Variants in ELMO1 observed in about 807,000 individuals in gnomAD.
ELMO1 encodes the protein engulfment and cell motility 1, also known as engulfment and cell motility protein 1.
A neutral mutation model predicts 98.9 loss-of-function variants in ELMO1; 26 were observed. The observed-to-expected ratio is 0.26, with a 90% CI of 0.19 to 0.36. The LOEUF is 0.36. Ranked by LOEUF, ELMO1 falls within the 10% of genes least tolerant of loss-of-function variation. The probability of loss-of-function intolerance (pLI) is 1.00; values close to 1 mark genes in which losing one functional copy is unlikely to be tolerated. For synonymous variants in ELMO1, 346 were observed against 346.0 expected (o/e 1.00, Z 0.00); for missense variants, 627 against 935.2 (o/e 0.67, Z 4.30).
Position 37,045,169 on chromosome 7 carries a change from G to A in ELMO1, c.1301-31734C>T, listed in dbSNP as rs144918117. The stretch of plus-strand genomic sequence containing the variant: ...ATGACCAAATGCAATGTGGTATTGT[G>A]GGTGGAATCCTGGAATACAAAAAGG... On this transcript the variant is annotated intron_variant, in intron 15 of 21. Transcript: ENST00000310758. Among the ~76,000 whole-genome samples the A allele has an allele frequency of 3.9e-5, 6 of 152,274 alleles. No individual in the cohort carries two copies. In the East Asian group the frequency reaches 1.2e-3, roughly 29 times the overall value.
intron 16 of ELMO1, among the ~76,000 whole-genome samples, chr7:36,967,443 C>T (rs369283302): frequency 2.0e-5 from 3 of 152,152 alleles, no homozygotes; most frequent in Non-Finnish European, 4.4e-5. Flanking sequence ...GCTAACCCAG[C>T]GTGGCATCAG....
intron 13 of ELMO1, among the ~76,000 whole-genome samples, chr7:37,134,025 G>A (rs548882916): frequency 1.1e-4 from 17 of 152,204 alleles, no homozygotes; most frequent in South Asian, 2.1e-4. Context: ...AATGCTCAAC[G>A]TCAGTAATCA....
intron 16 of ELMO1, among the ~76,000 whole-genome samples, chr7:36,922,952 G>A (rs904983234): frequency 4.6e-5 from 7 of 152,178 alleles, no homozygotes; most frequent in Non-Finnish European, 5.9e-5. Context: ...AAGTGGTCAT[G>A]GAGGATGGGC....
At chr7:36,918,263 A>G (rs1358774498) in intron 16 of ELMO1, among the ~76,000 whole-genome samples, 2 of 152,206 alleles carry the variant, frequency 1.3e-5, no homozygotes, top group East Asian at 3.8e-4. Flanking sequence ...GAGTTCTTGT[A>G]CAGATTAAAC....
At chr7:37,302,634 A>T (rs565557507) in intron 4 of ELMO1, among the ~76,000 whole-genome samples, 1 of 152,202 alleles carries the variant, frequency 6.6e-6, no homozygotes, top group South Asian at 2.1e-4. Flanking sequence ...CCAGCTATTC[A>T]TGTCTTCCCA....
intron 16 of ELMO1, among the ~76,000 whole-genome samples, chr7:36,991,559 T>C (rs1311548832): frequency 6.6e-6 from 1 of 152,232 alleles, no homozygotes; most frequent in Non-Finnish European, 1.5e-5. Flanking sequence ...GAACTGAACA[T>C]AGTCAGAAGA....
At chr7:37,121,271 C>T (rs892141323) in intron 14 of ELMO1, among the ~76,000 whole-genome samples, 17 of 152,290 alleles carry the variant, frequency 1.1e-4, no homozygotes, top group Middle Eastern at 3.4e-3. Context: ...CAAAGCTGGA[C>T]GGAGAATGAC....
At chr7:37,423,543 G>A (rs1804572208) in intron 1 of ELMO1, among the ~76,000 whole-genome samples, 1 of 152,176 alleles carries the variant, frequency 6.6e-6, no homozygotes, top group Admixed American at 6.5e-5. Flanking sequence ...TCTTGCCACT[G>A]CACTCCAGCC....
chr7:36,897,563 G>A (rs972789539), intron 16 of ELMO1, among the ~76,000 whole-genome samples: 1 of 152,128 alleles, frequency 6.6e-6, no homozygotes, highest in Non-Finnish European at 1.5e-5. Flanking sequence ...CCAGGGAAAG[G>A]GAGGAGTAGG....
intron 16 of ELMO1, among the ~76,000 whole-genome samples, chr7:36,997,132 G>T (rs1455311135): frequency 6.6e-6 from 1 of 151,996 alleles, no homozygotes; most frequent in African/African-American, 2.4e-5. Context: ...TGATGGTGGC[G>T]GGAAGGCAGG....
Position 37,286,205 on chromosome 7 carries a change from C to T in ELMO1, c.193-14323G>A, listed in dbSNP as rs531150975. On this transcript the variant is annotated intron_variant, in intron 4 of 21. Coordinates refer to ENST00000310758, the MANE Select transcript of ELMO1 (RefSeq NM_014800.11). ...GGATGAGATAAAAACATTTACAGCTCACAGCCAAGGAACAATGCGGCTGGA... is the reference window on the plus strand; with the variant it reads ...GGATGAGATAAAAACATTTACAGCTTACAGCCAAGGAACAATGCGGCTGGA... Among the ~76,000 whole-genome samples the T allele has an allele frequency of 9.2e-5, 14 of 152,252 alleles. No homozygotes were observed. In the South Asian group the frequency reaches 2.7e-3, roughly 29 times the overall value.
Position 36,855,721 on chromosome 7 carries a change from G to T in ELMO1, c.2014C>A (p.Leu672Ile), listed in dbSNP as rs770393657. ...TCGCTCATCATGTCCTTCCCGAGTA[G>T]CGCATTCAGTCCATCCGTCCAGATA... ...YCIWTDGLNA[L>I]LGKDMMSDLT... Residue 672 changes from leucine (L) to isoleucine (I), a missense_variant, in exon 22 of 22, where the codon CTA (leucine) becomes ATA (isoleucine). By Grantham distance (5) the Leu-to-Ile change is conservative. Around this residue, in one of 3 missense-constraint regions of ELMO1, gnomAD observed 492 missense variants for 715.6 expected, o/e 0.69. Coordinates refer to ENST00000310758, the MANE Select transcript of ELMO1 (RefSeq NM_014800.11). The surrounding 1 kb of genome is among the most constrained non-coding windows in gnomAD (Gnocchi z 4.2). 1 of 1,614,098 alleles carries T rather than the reference G, an allele frequency of 6.2e-7. No homozygotes were observed. Among genetic ancestry groups the T allele is most frequent in the Non-Finnish European group, 8.5e-7 (1 of 1,179,986 alleles).
At chr7:36,977,813 T>C (rs1051706734) in intron 16 of ELMO1, among the ~76,000 whole-genome samples, 1 of 152,232 alleles carries the variant, frequency 6.6e-6, no homozygotes, top group Non-Finnish European at 1.5e-5. Flanking sequence ...GGCCCAGTTT[T>C]TGAAAGTGGA....
intron 1 of ELMO1, chr7:37,351,306 C>A (rs868308843): frequency 6.6e-6 from 1 of 152,142 alleles, no homozygotes; most frequent in African/African-American, 2.4e-5. Flanking sequence ...TATAAATATC[C>A]TTAATAAGGA....
rs1292970390 is a variant in ELMO1 at position 37,407,981 on chromosome 7, A to T, written c.-74+40694T>A. The stretch of plus-strand genomic sequence containing the variant: ...CTTAGAAAAAAATTGATTAATTTTT[A>T]AAATATTTATTAATTTTAAAAATAG... On this transcript the variant is annotated intron_variant, in intron 1 of 21. Transcript: ENST00000310758. Among the ~76,000 whole-genome samples, 4 of 152,324 alleles carry T rather than the reference A, an allele frequency of 2.6e-5. No homozygotes were observed. In the East Asian group the frequency reaches 5.8e-4, roughly 22 times the overall value.
chr7:37,215,649 T>C (rs987338304), intron 11 of ELMO1, among the ~76,000 whole-genome samples: 7 of 152,132 alleles, frequency 4.6e-5, no homozygotes, highest in Non-Finnish European at 8.8e-5. Context: ...AACTAGCCAA[T>C]CCTAAACCTG....
intron 13 of ELMO1, among the ~76,000 whole-genome samples, chr7:37,144,001 G>C (rs1400388663): frequency 6.6e-6 from 1 of 151,972 alleles, no homozygotes; most frequent in East Asian, 1.9e-4. Flanking sequence ...GTGAGCCACC[G>C]CGACTGGCCT....
At chr7:37,407,283 G>A (rs543992493) in intron 1 of ELMO1, among the ~76,000 whole-genome samples, 1 of 152,208 alleles carries the variant, frequency 6.6e-6, no homozygotes, top group South Asian at 2.1e-4. Flanking sequence ...GCCGAGGTGG[G>A]CAGATCACGA....
intron 2 of ELMO1, among the ~76,000 whole-genome samples, chr7:37,336,287 T>C (rs570731570): frequency 1.3e-5 from 2 of 152,156 alleles, no homozygotes; most frequent in African/African-American, 4.8e-5. Flanking sequence ...CCTCAAAAAG[T>C]TGGTAATACC....
Sources: allele counts gnomAD v4.1 joint callset (sites outside exome capture counted in the v4.1 genomes callset), GRCh38; gene constraint gnomAD v4.1.1; regional missense constraint gnomAD v4.1.1; non-coding constraint Gnocchi (gnomAD v3.1); transcripts MANE v1.5; gene names NCBI Gene and HGNC (gene_info 2026-07-23, HGNC 2026-07-21).